The following TFEC variants were observed in gnomAD, a reference collection of about 807,000 sequenced individuals.
The protein encoded by TFEC is class E basic helix-loop-helix protein 34.
A neutral mutation model predicts 41.6 loss-of-function variants in TFEC; 31 were observed. That is an observed-to-expected ratio of 0.74 (90% CI 0.56 to 1.01). The LOEUF (loss-of-function observed/expected upper bound fraction) is 1.01. Ranked by LOEUF, TFEC falls within the 50% of genes least tolerant of loss-of-function variation. The pLI is 0.00. For missense variants in TFEC, 402 were observed against 404.1 expected (o/e 0.99, Z 0.04); for synonymous variants, 143 against 140.6 (o/e 1.02, Z -0.12).
chr7:116,154,690 T>C (rs1798831334), intron 1 of TFEC, among the ~76,000 whole-genome samples: 1 of 152,178 alleles, frequency 6.6e-6, no homozygotes, highest in Non-Finnish European at 1.5e-5. Context: ...AATTCCTTTC[T>C]CCCAGGTTCT....
intron 3 of TFEC, among the ~76,000 whole-genome samples, chr7:116,065,915 T>TA (rs1386699872): frequency 6.6e-6 from 1 of 152,064 alleles, no homozygotes; most frequent in Admixed American, 6.6e-5. Context: ...GGTGCCAACT[T>TA]AAAGAGAGAA....
chr7:115,960,314 G>A (rs1434637127), intron 3 of TFEC, among the ~76,000 whole-genome samples: 1 of 151,436 alleles, frequency 6.6e-6, no homozygotes, highest in Non-Finnish European at 1.5e-5. Flanking sequence ...TCACACATGA[G>A]GCCATGATAA....
intron 3 of TFEC, among the ~76,000 whole-genome samples, chr7:116,084,487 A>AC (rs1388484856): frequency 6.6e-6 from 1 of 151,852 alleles, no homozygotes; most frequent in Non-Finnish European, 1.5e-5. Flanking sequence ...AATAAAAATG[A>AC]CTTTTTCCAC....
At chr7:116,084,619 GA>G (rs1797161857) in intron 3 of TFEC, among the ~76,000 whole-genome samples, 1 of 151,342 alleles carries the variant, frequency 6.6e-6, no homozygotes, top group South Asian at 2.1e-4. Context: ...CATAGTTTCT[GA>G]AAAGTTTCTA....
At position 116,066,101 on chromosome 7, in the gene TFEC, GC is replaced by G. The variant is rs1278574092; in HGVS notation, c.198+44606del. Reference sequence around the variant, plus strand: ...TACAGACTTGCCCAAGGAAGATGATGCCCTGCTTATAGCCTAATGGCTCCAG... The same window carrying G: ...TACAGACTTGCCCAAGGAAGATGATGCCTGCTTATAGCCTAATGGCTCCAG... On this transcript the variant is annotated intron_variant, in intron 3 of 8. Transcript: ENST00000484212. Among the ~76,000 whole-genome samples the G allele has an allele frequency of 7.8e-4, 119 of 152,172 alleles. 1 individual carries two copies. The highest frequency in any genetic ancestry group is 4.4e-5 in the Non-Finnish European group (3 of 68,020).
chr7:115,981,176 AT>A (rs1436899373), intron 2 of TFEC, among the ~76,000 whole-genome samples: 1 of 151,968 alleles, frequency 6.6e-6, no homozygotes, highest in East Asian at 1.9e-4. Context: ...ACCAAATTGT[AT>A]CACTCTCAAA....
chr7:116,008,469 C>T (rs1381514815), intron 1 of TFEC, among the ~76,000 whole-genome samples: 1 of 152,012 alleles, frequency 6.6e-6, no homozygotes, highest in Non-Finnish European at 1.5e-5. Flanking sequence ...TCATACTAAG[C>T]TTGAATTTAA....
Position 115,987,781 on chromosome 7 carries a change from T to A in TFEC, c.-72-3268A>T, listed in dbSNP as rs138208528. ...CATATAAACACATATAAAATGTGTT[T>A]TATATATATATAAACATATAAACAC... On this transcript the variant is annotated intron_variant, in intron 1 of 7. Transcript: ENST00000265440. Among the ~76,000 whole-genome samples, 153 of 152,072 alleles carry A rather than the reference T, an allele frequency of 1.0e-3. No homozygotes were observed. The South Asian group carries it at 0.021, about 21-fold the overall frequency.
At chr7:115,996,257 G>T (rs1465247912) in intron 1 of TFEC, among the ~76,000 whole-genome samples, 1 of 152,018 alleles carries the variant, frequency 6.6e-6, no homozygotes, top group Non-Finnish European at 1.5e-5. Flanking sequence ...GCCACAATAG[G>T]ATAAGAACAA....
At chr7:115,985,646 G>A (rs537816712) in intron 1 of TFEC, among the ~76,000 whole-genome samples, 1 of 152,006 alleles carries the variant, frequency 6.6e-6, no homozygotes, top group South Asian at 2.1e-4. Context: ...AGTTACTTTA[G>A]TTTAATTCTG....
intron 3 of TFEC, among the ~76,000 whole-genome samples, chr7:116,061,176 G>A (rs189288918): frequency 2.2e-3 from 330 of 152,182 alleles, no homozygotes; most frequent in Middle Eastern, 6.8e-3. Flanking sequence ...GGAAAAATAA[G>A]ATAAAGGTTG....
At chr7:116,051,115 G>A (rs1030285661) in intron 3 of TFEC, among the ~76,000 whole-genome samples, 1 of 152,164 alleles carries the variant, frequency 6.6e-6, no homozygotes, top group Non-Finnish European at 1.5e-5. Context: ...CTTGGATGCA[G>A]GGTGGGGAAC....
intron 1 of TFEC, among the ~76,000 whole-genome samples, chr7:116,007,713 C>CA (rs1478707461): frequency 1.3e-5 from 2 of 152,086 alleles, no homozygotes; most frequent in South Asian, 2.1e-4. Flanking sequence ...GTAGTTGCAG[C>CA]AAAAAAATTG....
chr7:116,155,212 A>T (rs1798844738), intron 1 of TFEC, among the ~76,000 whole-genome samples: 1 of 152,202 alleles, frequency 6.6e-6, no homozygotes, highest in Non-Finnish European at 1.5e-5. Flanking sequence ...CAAATGGGAG[A>T]TCTAATCGAT....
At position 116,073,527 on chromosome 7, in the gene TFEC, C is replaced by T. The variant is rs1339854180; in HGVS notation, c.198+37181G>A. ...TAGGTTGCAGCAAACTACCATAGCA[C>T]GTGTATACTCTGTTGAGATTTCAAC... On this transcript the variant is annotated intron_variant, in intron 3 of 8. Coordinates refer to the TFEC transcript ENST00000484212. Among the ~76,000 whole-genome samples the T allele has an allele frequency of 2.0e-5, 3 of 151,198 alleles. No individual in the cohort carries two copies. In the South Asian group the frequency reaches 6.2e-4, roughly 31 times the overall value.
chr7:116,012,134 A>C (rs917639162), intron 1 of TFEC, among the ~76,000 whole-genome samples: 2 of 152,192 alleles, frequency 1.3e-5, no homozygotes, highest in Non-Finnish European at 2.9e-5. Flanking sequence ...TCTACAATTC[A>C]ATAGTTTCCT....
chr7:115,946,022 A>G (rs1791521808), intron 6 of TFEC, among the ~76,000 whole-genome samples: 1 of 151,828 alleles, frequency 6.6e-6, no homozygotes, highest in Non-Finnish European at 1.5e-5. Flanking sequence ...AAAATGAATT[A>G]GAACTAGAAA....
chr7:115,960,816 T>C (rs1792503328), intron 3 of TFEC, among the ~76,000 whole-genome samples: 1 of 151,468 alleles, frequency 6.6e-6, no homozygotes, highest in Non-Finnish European at 1.5e-5. Flanking sequence ...AGATTAAAAC[T>C]TAAAGAATGG....
At chr7:116,039,560 C>T (rs1795986452) in intron 3 of TFEC, among the ~76,000 whole-genome samples, 1 of 151,744 alleles carries the variant, frequency 6.6e-6, no homozygotes, top group Non-Finnish European at 1.5e-5. Context: ...TTCAGAGGAA[C>T]ATCAAACTAC....
Sources: allele counts gnomAD v4.1 joint callset (sites outside exome capture counted in the v4.1 genomes callset), GRCh38; gene constraint gnomAD v4.1.1; transcripts MANE v1.5; gene names NCBI Gene and HGNC (gene_info 2026-07-23, HGNC 2026-07-21).